CHST8: variants seen among roughly 807,000 people sequenced by gnomAD.
CHST8 encodes carbohydrate sulfotransferase 8.
A neutral mutation model predicts 15.0 loss-of-function variants in CHST8; 10 were observed. The ratio of observed to expected loss-of-function variants is 0.67; its 90% confidence interval spans 0.41 to 1.13. The LOEUF (loss-of-function observed/expected upper bound fraction) is 1.13, where lower values mean the gene tolerates loss of function less well. Among genes scored for constraint, CHST8 ranks in the 50% most tolerant of loss-of-function variants. The pLI is 0.00. For missense variants in CHST8, 634 were observed against 608.2 expected, an observed-to-expected ratio of 1.04 and a Z score of -0.45; for synonymous variants, 259 against 256.6, an observed-to-expected ratio of 1.01 and a Z score of -0.09.
At position 33,689,208 on chromosome 19, in the gene CHST8, T is replaced by C; in HGVS notation, c.-54T>C. The C allele has an allele frequency of 2.7e-6, 4 of 1,475,722 alleles. No homozygotes were observed. Among genetic ancestry groups the C allele is most frequent in the South Asian group, 2.9e-5 (2 of 69,676 alleles). The allele number at this position is 1,475,722 out of a possible 1,614,324, so 91.4% of individuals were successfully genotyped here. A position where few individuals can be genotyped will look rare whatever the true frequency, so the allele number is the denominator to read the frequency against. On this transcript the variant is annotated 5_prime_UTR_variant, in exon 3 of 5. The change abolishes an upstream ATG in the 5' untranslated region. Transcript: ENST00000650847. The stretch of plus-strand genomic sequence containing the variant: ...CCTGATGGACGCCTGGTGTGGACGA[T>C]GAGGGAAGAACGTGCCCCCCACACC...
At chr19:33,724,684 C>A (rs1973861199) in intron 3 of CHST8, among the ~76,000 whole-genome samples, 1 of 152,226 alleles carries the variant, frequency 6.6e-6, no homozygotes, top group Admixed American at 6.5e-5. Context: ...CTGCCCCTGC[C>A]CCCTCTCCTT....
At chr19:33,644,324 T>A (rs1001495461) in intron 1 of CHST8, among the ~76,000 whole-genome samples, 1 of 152,236 alleles carries the variant, frequency 6.6e-6, no homozygotes, top group South Asian at 2.1e-4. Flanking sequence ...GCTGGGTGCA[T>A]GTCAGGTACT....
At chr19:33,662,773 G>A (rs572985296) in intron 1 of CHST8, among the ~76,000 whole-genome samples, 14 of 152,294 alleles carry the variant, frequency 9.2e-5, no homozygotes, top group South Asian at 8.3e-4. Flanking sequence ...GTTCCCGAAC[G>A]CCAACCTTTG....
intron 3 of CHST8, among the ~76,000 whole-genome samples, chr19:33,731,868 T>G (rs1974000514): frequency 6.6e-6 from 1 of 152,214 alleles, no homozygotes; most frequent in Non-Finnish European, 1.5e-5. Context: ...ACTGTTCTCC[T>G]TGCTGGCTGC....
intron 3 of CHST8, among the ~76,000 whole-genome samples, chr19:33,746,579 C>A (rs1974316737): frequency 6.6e-6 from 1 of 152,216 alleles, no homozygotes; most frequent in Non-Finnish European, 1.5e-5. Context: ...GTACCATGTT[C>A]ATTTATCAGT....
chr19:33,710,726 C>T (rs1249318434), intron 3 of CHST8, among the ~76,000 whole-genome samples: 2 of 152,186 alleles, frequency 1.3e-5, no homozygotes, highest in East Asian at 3.8e-4. Context: ...ATGCCTGATT[C>T]CCCTTGGTAG....
chr19:33,767,186 A>T (rs1180146645), intron 3 of CHST8, among the ~76,000 whole-genome samples: 1 of 152,070 alleles, frequency 6.6e-6, no homozygotes, highest in East Asian at 1.9e-4. Context: ...GGCTCATTCG[A>T]GGCAGTTGGG....
intron 4 of CHST8, 80 bp from the exon 5 acceptor site, chr19:33,771,877 G>C: frequency 6.8e-7 from 1 of 1,470,348 alleles, no homozygotes; most frequent in East Asian, 2.3e-5. Flanking sequence ...AACCCCAGCC[G>C]TGGTGAGAGC....
chr19:33,701,895 C>T (rs1193069528), intron 3 of CHST8, among the ~76,000 whole-genome samples: 4 of 152,248 alleles, frequency 2.6e-5, no homozygotes, highest in Non-Finnish European at 5.9e-5. Context: ...GATTTGACCC[C>T]AGATCTGCCT....
At chr19:33,680,251 G>A (rs971873093) in intron 2 of CHST8, among the ~76,000 whole-genome samples, 2 of 152,214 alleles carry the variant, frequency 1.3e-5, no homozygotes, top group African/African-American at 4.8e-5. Context: ...TGCCTGGAAC[G>A]TTAACAAATA....
intron 3 of CHST8, among the ~76,000 whole-genome samples, chr19:33,702,028 A>G (rs1345651308): frequency 6.6e-6 from 1 of 152,114 alleles, no homozygotes; most frequent in Non-Finnish European, 1.5e-5. Flanking sequence ...TCGCTGTGTC[A>G]CCCAGGCTGG....
chr19:33,711,299 A>G (rs1398861088), intron 3 of CHST8, among the ~76,000 whole-genome samples: 2 of 152,190 alleles, frequency 1.3e-5, no homozygotes, highest in Non-Finnish European at 2.9e-5. Context: ...CTTGATATCT[A>G]CACAGACAGG....
intron 1 of CHST8, among the ~76,000 whole-genome samples, chr19:33,660,353 C>T (rs1361129656): frequency 6.6e-6 from 1 of 152,180 alleles, no homozygotes; most frequent in African/African-American, 2.4e-5. Context: ...TCCTGCGCCG[C>T]TCTTGGAAGG....
Position 33,773,003 on chromosome 19 carries a change from C to T in CHST8, c.1215C>T (p.Asp405=), listed in dbSNP as rs1975043362. Residue 405 remains aspartate, a synonymous_variant, in exon 5 of 5, where the codon GAC becomes GAT. Transcript: ENST00000650847. ...CCCTGCAAAGGCAGCGCACCTACGA[C>T]TTCTACTACATGGATTACCTGATGT... ...LSALQRQRTY[D]FYYMDYLMFN... 1 of 1,612,968 alleles carries T rather than the reference C, an allele frequency of 6.2e-7. No individual in the cohort carries two copies. The highest frequency in any genetic ancestry group is 1.1e-5 in the South Asian group (1 of 91,086).
In CHST8 at chr19:33,719,207, A is replaced by G. The variant is rs149978696; in HGVS notation, c.130+29816A>G. Among the ~76,000 whole-genome samples the G allele has an allele frequency of 3.8e-3, 443 of 115,786 alleles. 1 individual carries two copies. Among genetic ancestry groups the G allele is most frequent in the African/African-American group, 0.014 (416 of 30,430 alleles). 76.0% of individuals were successfully genotyped at this position (115,786 alleles called of 152,430 possible). On this transcript the variant is annotated intron_variant, in intron 3 of 4. Coordinates refer to ENST00000650847, the MANE Select transcript of CHST8 (RefSeq NM_001127895.2). ...CTGAAATGTTTTGTAAAATGTTTACACCTCCCTTGATATAAGGCAAATACC... is the reference window on the plus strand; with the variant it reads ...CTGAAATGTTTTGTAAAATGTTTACGCCTCCCTTGATATAAGGCAAATACC...
At chr19:33,765,027 C>A (rs534521219) in intron 3 of CHST8, among the ~76,000 whole-genome samples, 2 of 123,410 alleles carry the variant, frequency 1.6e-5, no homozygotes, top group Non-Finnish European at 3.4e-5. Context: ...TAATTCATTC[C>A]TTTTTATGGC....
chr19:33,733,232 CTTTTT>C (rs34651897), intron 3 of CHST8, among the ~76,000 whole-genome samples: 1 of 125,630 alleles, frequency 8.0e-6, no homozygotes. Flanking sequence ...CAGATATATT[CTTTTT>C]TTTTTTTTTT....
chr19:33,682,187 G>GTTTTTTTTTTTT (rs869056900), intron 2 of CHST8, among the ~76,000 whole-genome samples: 91 of 95,248 alleles, frequency 9.6e-4, no homozygotes, highest in Non-Finnish European at 1.1e-3. Context: ...TTTTGTTGTT[G>GTTTTTTTTTTTT]TTTTTTTTTT....
chr19:33,740,565 G>A (rs565170956), intron 3 of CHST8, among the ~76,000 whole-genome samples: 19 of 152,282 alleles, frequency 1.2e-4, no homozygotes, highest in South Asian at 2.1e-4. Context: ...AATGTAAGTC[G>A]GACTGTCATA....
Sources: allele counts gnomAD v4.1 joint callset (sites outside exome capture counted in the v4.1 genomes callset), GRCh38; gene constraint gnomAD v4.1.1; transcripts MANE v1.5; gene names NCBI Gene and HGNC (gene_info 2026-07-23, HGNC 2026-07-21).